Variants in ATP6V1B1 observed in about 807,000 individuals in gnomAD.
ATP6V1B1 encodes ATPase H+ transporting V1 subunit B1.
Under a neutral mutation model 62.1 loss-of-function variants are expected in ATP6V1B1, and 41 were observed. The observed-to-expected ratio is 0.66, with a 90% CI of 0.51 to 0.86. The LOEUF is 0.86. ATP6V1B1 is among the 40% of genes least tolerant of loss of function. ATP6V1B1 has a pLI of 0.00. For synonymous variants in ATP6V1B1, 253 were observed against 273.4 expected (o/e 0.93, Z 0.74); for missense variants, 651 against 697.5 (o/e 0.93, Z 0.75).
In ATP6V1B1 at chr2:70,953,168, G is replaced by A. The variant is rs56687249; in HGVS notation, c.175-4878G>A. The stretch of plus-strand genomic sequence containing the variant: ...TTTAGTAGAGATGGGGTTTCACCAC[G>A]TTGGCCAGGCTGGTCTCAAACTCCT... On this transcript the variant is annotated intron_variant, in intron 2 of 13. Transcript: ENST00000234396. 4.5e-3 allele frequency among the ~76,000 whole-genome samples: 690 copies of A among 152,264 alleles called. 12 individuals are homozygous for A. Among genetic ancestry groups the A allele is most frequent in the African/African-American group, 0.016 (647 of 41,536 alleles).
At chr2:70,957,641 C>G in intron 2 of ATP6V1B1, 1 of 325,554 alleles carries the variant, frequency 3.1e-6, no homozygotes, top group Admixed American at 4.3e-5. Flanking sequence ...TGCCAGGCAC[C>G]ATGCTAATGG....
At position 70,965,226 on chromosome 2, in the gene ATP6V1B1, C is replaced by CCTCCGCT. The variant is rs1680697194; in HGVS notation, c.*106_*112dup. ...CAGCGGCTTCTGCGCCGCCCTCCGC[C>CCTCCGCT]CTCCGCTGGCTCCGAGGTGGTGGGG... On this transcript the variant is annotated 3_prime_UTR_variant, in exon 14 of 14. Coordinates refer to ENST00000234396, the MANE Select transcript of ATP6V1B1 (RefSeq NM_001692.4). 2 of 1,507,228 alleles carry CCTCCGCT rather than the reference C, an allele frequency of 1.3e-6. No homozygotes were observed. The highest frequency in any genetic ancestry group is 1.8e-6 in the Non-Finnish European group (2 of 1,112,066). The allele number at this position is 1,507,228 out of a possible 1,614,324, so 93.4% of individuals were successfully genotyped here.
At position 70,945,961 on chromosome 2, in the gene ATP6V1B1, G is replaced by A. The variant is rs77600360; in HGVS notation, c.174+2248G>A. Among the ~76,000 whole-genome samples, 1,171 of 151,642 alleles carry A rather than the reference G, an allele frequency of 7.7e-3. 7 individuals are homozygous for A. The highest frequency in any genetic ancestry group is 0.013 in the South Asian group (61 of 4,790). On this transcript the variant is annotated intron_variant, in intron 2 of 13. Coordinates refer to ENST00000234396, the MANE Select transcript of ATP6V1B1 (RefSeq NM_001692.4). ...GGTTTTATTAGTGGCATCCACTGAGGTATTTGGTCAAGATCTGGCCATGTA... is the reference window on the plus strand; with the variant it reads ...GGTTTTATTAGTGGCATCCACTGAGATATTTGGTCAAGATCTGGCCATGTA...
chr2:70,957,255 A>AGC (rs1680461770), intron 2 of ATP6V1B1, among the ~76,000 whole-genome samples: 1 of 93,776 alleles, frequency 1.1e-5, no homozygotes, highest in South Asian at 3.1e-4. Context: ...CTGGCAATAT[A>AGC]TATATATATA....
Position 70,959,099 on chromosome 2 carries a change from AG to A in ATP6V1B1, c.445+5del. ...GAGGACTTTCTGGATATCAATGGTG[AG>A]TGACTGGAGGTTCTGGATGGCTTCG... is the stretch of plus-strand genomic sequence containing the variant. On this transcript the variant is annotated splice_donor_5th_base_variant and intron_variant, in intron 5 of 13. Coordinates refer to ENST00000234396, the MANE Select transcript of ATP6V1B1 (RefSeq NM_001692.4). The surrounding 1 kb of genome is among the most constrained non-coding windows in gnomAD (Gnocchi z 4.2). 6.2e-7 allele frequency: 1 copy of A among 1,614,110 alleles called. No homozygotes were observed. The highest frequency in any genetic ancestry group is 8.5e-7 in the Non-Finnish European group (1 of 1,180,008).
At chr2:70,941,560 C>A (rs1426028584) in intron 1 of ATP6V1B1, 3 of 840,316 alleles carry the variant, frequency 3.6e-6, no homozygotes, top group Non-Finnish European at 4.3e-6. Context: ...CTGATCTTTC[C>A]CTTAGGAGCA....
intron 1 of ATP6V1B1, chr2:70,940,907 CTTTT>C (rs782110711): frequency 2.7e-6 from 2 of 745,898 alleles, no homozygotes; most frequent in Non-Finnish European, 1.6e-6. Flanking sequence ...TTTTCTTTTT[CTTTT>C]TCTTTTTTTT....
In ATP6V1B1 at chr2:70,965,084, G is replaced by C. The variant is rs1334051270; in HGVS notation, c.1505G>C (p.Gly502Ala). The C allele has an allele frequency of 9.3e-6, 15 of 1,612,566 alleles. No homozygotes were observed. The highest frequency in any genetic ancestry group is 1.6e-4 in the Middle Eastern group (1 of 6,068). Residue 502 changes from glycine (G) to alanine (A), a missense_variant, in exon 14 of 14, where the codon GGG becomes GCG. Physicochemically the swap from Gly to Ala is moderately conservative, Grantham distance 60. Coordinates refer to ENST00000234396, the MANE Select transcript of ATP6V1B1 (RefSeq NM_001692.4). ...ATCGACGAGTTCTATTCCCGCGAGGGGGCGCTGCAGGACCTCGCGCCTGAC... is the reference window on the plus strand; with the variant it reads ...ATCGACGAGTTCTATTCCCGCGAGGCGGCGCTGCAGGACCTCGCGCCTGAC... ...AVIDEFYSREGALQDLAPDTA... is the reference protein window; with the variant it reads ...AVIDEFYSREAALQDLAPDTA...
At chr2:70,955,369 G>A (rs1378606258) in intron 2 of ATP6V1B1, among the ~76,000 whole-genome samples, 1 of 152,156 alleles carries the variant, frequency 6.6e-6, no homozygotes, top group Non-Finnish European at 1.5e-5. Context: ...CTCACATACT[G>A]TTAATTCAGT....
intron 2 of ATP6V1B1, among the ~76,000 whole-genome samples, chr2:70,946,566 C>T (rs569828076): frequency 7.2e-5 from 11 of 152,344 alleles, no homozygotes; most frequent in East Asian, 5.8e-4. Context: ...CCATCAATCT[C>T]GGATTGTAAA....
intron 2 of ATP6V1B1, among the ~76,000 whole-genome samples, chr2:70,944,898 A>G (rs1680118241): frequency 6.6e-6 from 1 of 151,754 alleles, no homozygotes; most frequent in East Asian, 1.9e-4. Flanking sequence ...CGATCTCTTG[A>G]CCTGGTGATC....
At position 70,935,972 on chromosome 2, in the gene ATP6V1B1, C is replaced by T. The variant is rs2104795225; in HGVS notation, c.18C>T (p.Asp6=). 6.2e-7 allele frequency: 1 copy of T among 1,613,782 alleles called. No homozygotes were observed. Among genetic ancestry groups the T allele is most frequent in the South Asian group, 1.1e-5 (1 of 91,050 alleles). ...ACTGCTCCATGGCCATGGAGATAGACAGCAGGCCTGGGGGGCTCCCCGGCA... is the reference window on the plus strand; with the variant it reads ...ACTGCTCCATGGCCATGGAGATAGATAGCAGGCCTGGGGGGCTCCCCGGCA... MAMEI[D]SRPGGLPGSS... is the part of the protein sequence containing the mutation. Residue 6 remains aspartate (D), a synonymous_variant, in exon 1 of 14, where the codon GAC becomes GAT. Coordinates refer to ENST00000234396, the MANE Select transcript of ATP6V1B1 (RefSeq NM_001692.4).
intron 1 of ATP6V1B1, chr2:70,940,713 G>A (rs1679976641): frequency 1.0e-6 from 1 of 985,256 alleles, no homozygotes; most frequent in African/African-American, 1.7e-5. Context: ...AGGAAGTATG[G>A]CTGGTGCTAG....
At chr2:70,961,208 G>A (rs1680578474) in intron 7 of ATP6V1B1, among the ~76,000 whole-genome samples, 186 bp downstream of exon 7, 1 of 152,214 alleles carries the variant, frequency 6.6e-6, no homozygotes, top group African/African-American at 2.4e-5. Context: ...AATCACAGTG[G>A]TAGGATGGGC....
At chr2:70,958,456 G>T (rs376250748) in intron 4 of ATP6V1B1, 30 bp downstream of exon 4, 2 of 1,590,112 alleles carry the variant, frequency 1.3e-6, no homozygotes, top group Non-Finnish European at 1.7e-6. Context: ...AGGGGTGGGG[G>T]TGCTCCTCTG....
chr2:70,963,091 ACCT>A lies in ATP6V1B1; in HGVS notation c.910-68_910-66del. The A allele has an allele frequency of 6.2e-7, 1 of 1,609,722 alleles. No individual in the cohort carries two copies. Among genetic ancestry groups the A allele is most frequent in the South Asian group, 1.1e-5 (1 of 90,766 alleles). On this transcript the variant is annotated intron_variant, in intron 9 of 13. Transcript: ENST00000234396. The surrounding 1 kb of genome is among the most constrained non-coding windows in gnomAD (Gnocchi z 4.3). ...ACTCCATTTCTCACAGGGTCACTGA[ACCT>A]CCCACCCACCCTTCCTAGCTTCAGC... is the stretch of plus-strand genomic sequence containing the variant.
Position 70,962,724 on chromosome 2 carries a change from T to C in ATP6V1B1, c.786-53T>C, listed in dbSNP as rs782475148. On this transcript the variant is annotated intron_variant, in intron 8 of 13. Coordinates refer to ENST00000234396, the MANE Select transcript of ATP6V1B1 (RefSeq NM_001692.4). ...CCTTGCGCTCAGCCCCCAGGCTATG[T>C]GGTGCATTAGCCCAGGCCTCCAGGC... 8.1e-6 allele frequency: 13 copies of C among 1,608,178 alleles called. No homozygotes were observed. In the South Asian group the frequency reaches 1.2e-4, roughly 15 times the overall value.
At position 70,962,770 on chromosome 2, in the gene ATP6V1B1, C is replaced by A; in HGVS notation, c.786-7C>A. 1 of 1,613,616 alleles carries A rather than the reference C, an allele frequency of 6.2e-7. No individual in the cohort carries two copies. Among genetic ancestry groups the A allele is most frequent in the Non-Finnish European group, 8.5e-7 (1 of 1,179,986 alleles). On this transcript the variant is annotated splice_polypyrimidine_tract_variant and splice_region_variant and intron_variant, in intron 8 of 13. Coordinates refer to ENST00000234396, the MANE Select transcript of ATP6V1B1 (RefSeq NM_001692.4). The stretch of plus-strand genomic sequence containing the variant: ...CAGGCTCTCTAAACACCTGGCTACA[C>A]CTCCAGGATCGAGCGGATCATCACC...
chr2:70,951,816 T>C (rs1408317073), intron 2 of ATP6V1B1, among the ~76,000 whole-genome samples: 1 of 152,012 alleles, frequency 6.6e-6, no homozygotes, highest in African/African-American at 2.4e-5. Context: ...GGAGAATCGC[T>C]TGAACCCAGG....
Sources: gnomAD v4.1 joint callset for allele counts (sites outside exome capture counted in the v4.1 genomes callset) on GRCh38, gnomAD v4.1.1 for gene constraint, Gnocchi (gnomAD v3.1) non-coding constraint, MANE v1.5 for transcripts, NCBI Gene and HGNC (gene_info 2026-07-23, HGNC 2026-07-21) for gene names.